The following JMJD1C variants were observed in gnomAD, a reference collection of about 807,000 sequenced individuals.
The protein encoded by JMJD1C is jumonji domain containing 1C, also known as jumonji domain-containing protein 1C.
In JMJD1C, 31 loss-of-function variants were observed where a neutral mutation model predicts 245.3. That is an observed-to-expected ratio of 0.13 (90% CI 0.09 to 0.17). The LOEUF (loss-of-function observed/expected upper bound fraction) is 0.17, where lower values mean the gene tolerates loss of function less well. Ranked by LOEUF, JMJD1C falls within the 10% of genes least tolerant of loss-of-function variation. The probability of loss-of-function intolerance (pLI) is 1.00; values close to 1 mark genes in which losing one functional copy is unlikely to be tolerated. For synonymous variants in JMJD1C, 1,057 were observed against 1,017.4 expected, an observed-to-expected ratio of 1.04 and a Z score of -0.74; for missense variants, 2,691 against 3,000.2, an observed-to-expected ratio of 0.90 and a Z score of 2.41.
At chr10:63,310,175 T>A (rs1370940012) in intron 2 of JMJD1C, among the ~76,000 whole-genome samples, 1 of 152,162 alleles carries the variant, frequency 6.6e-6, no homozygotes, top group Non-Finnish European at 1.5e-5. Context: ...AAATGAGACA[T>A]AAATACTATA....
chr10:63,291,120 C>T (rs1858627158), intron 2 of JMJD1C, among the ~76,000 whole-genome samples: 1 of 151,060 alleles, frequency 6.6e-6, no homozygotes, highest in African/African-American at 2.4e-5. Flanking sequence ...GCCTGGCTAA[C>T]ACGGTGAAAC....
In JMJD1C at chr10:63,355,644, C is replaced by T. The variant is rs570602833; in HGVS notation, c.333+24674G>A. The stretch of plus-strand genomic sequence containing the variant: ...GAGGAGTTGGAAAAGAGAACTTTTC[C>T]AGTGACAGCTGTGTGAGAGTTGCTC... On this transcript the variant is annotated intron_variant, in intron 2 of 25. Transcript: ENST00000399262. 9.2e-5 allele frequency among the ~76,000 whole-genome samples: 14 copies of T among 151,968 alleles called. No homozygotes were observed. In the South Asian group the frequency reaches 2.7e-3, roughly 29 times the overall value.
intron 2 of JMJD1C, among the ~76,000 whole-genome samples, chr10:63,303,453 G>C: frequency 6.6e-6 from 1 of 152,028 alleles, no homozygotes; most frequent in Non-Finnish European, 1.5e-5. Context: ...TTACAGGCAC[G>C]CGCCACCACA....
At chr10:63,248,120 A>G (rs998266399) in intron 3 of JMJD1C, among the ~76,000 whole-genome samples, 1 of 151,310 alleles carries the variant, frequency 6.6e-6, no homozygotes, top group Admixed American at 6.6e-5. Context: ...CCAGCCACTC[A>G]GGACGCTGAA....
chr10:63,361,244 G>A (rs563426279), intron 2 of JMJD1C, among the ~76,000 whole-genome samples: 3 of 152,120 alleles, frequency 2.0e-5, no homozygotes, highest in South Asian at 2.1e-4. Context: ...CCAACATGGC[G>A]AAACCCTGTC....
intron 1 of JMJD1C, among the ~76,000 whole-genome samples, chr10:63,509,587 A>G (rs1564979106): frequency 6.6e-6 from 1 of 152,226 alleles, no homozygotes; most frequent in Non-Finnish European, 1.5e-5. Context: ...CTTCTTTGCT[A>G]GATACAGGCC....
At chr10:63,459,519 T>C (rs7074735) in intron 1 of JMJD1C, among the ~76,000 whole-genome samples, 1 of 151,998 alleles carries the variant, frequency 6.6e-6, no homozygotes, top group Non-Finnish European at 1.5e-5. Flanking sequence ...TATTTGTAAA[T>C]ATTTAGAAAG....
chr10:63,498,460 AT>A, intron 1 of JMJD1C, among the ~76,000 whole-genome samples: 1 of 152,272 alleles, frequency 6.6e-6, no homozygotes, highest in South Asian at 2.1e-4. Context: ...AACATGTAAC[AT>A]TTTTTAACCT....
intron 1 of JMJD1C, among the ~76,000 whole-genome samples, chr10:63,516,936 T>C (rs1955035193): frequency 6.6e-6 from 1 of 152,180 alleles, no homozygotes; most frequent in South Asian, 2.1e-4. Context: ...CATAAGCGAC[T>C]GCCTGAGAGA....
At chr10:63,196,661 A>G (rs1845496544) in intron 13 of JMJD1C, among the ~76,000 whole-genome samples, 1 of 152,234 alleles carries the variant, frequency 6.6e-6, no homozygotes, top group South Asian at 2.1e-4. Flanking sequence ...ATCTATACTA[A>G]GTACTTCTAA....
intron 24 of JMJD1C, among the ~76,000 whole-genome samples, chr10:63,169,100 A>G (rs1842110253): frequency 6.6e-6 from 1 of 152,194 alleles, no homozygotes; most frequent in South Asian, 2.1e-4. Flanking sequence ...ATATCCCAGG[A>G]TTTTGGTTAT....
At chr10:63,330,057 C>T (rs867213794) in intron 2 of JMJD1C, among the ~76,000 whole-genome samples, 23 of 152,272 alleles carry the variant, frequency 1.5e-4, no homozygotes, top group African/African-American at 4.3e-4. Flanking sequence ...TGCGCCACCA[C>T]GCCCGGCTAA....
Position 63,177,380 on chromosome 10 carries a change from C to G in JMJD1C, c.7224+337G>C, listed in dbSNP as rs182883116. 1.5e-3 allele frequency: 394 copies of G among 267,252 alleles called. 1 individual carries two copies. The highest frequency in any genetic ancestry group is 2.1e-3 in the Admixed American group (40 of 18,930). 16.6% of individuals were successfully genotyped at this position (267,252 alleles called of 1,614,324 possible). On this transcript the variant is annotated intron_variant, in intron 23 of 25. Transcript: ENST00000399262. ...AAGATCCTACCTTCTTTAGACGTTT[C>G]CATGAAATATTTGTTTTTACATCCC...
chr10:63,384,993 G>C (rs1034282514), intron 1 of JMJD1C, among the ~76,000 whole-genome samples: 1 of 152,152 alleles, frequency 6.6e-6, no homozygotes. Flanking sequence ...AGTTAGAGAT[G>C]TGTGACTATT....
At chr10:63,520,516 A>AC in intron 1 of JMJD1C, among the ~76,000 whole-genome samples, 1 of 152,186 alleles carries the variant, frequency 6.6e-6, no homozygotes, top group Non-Finnish European at 1.5e-5. Flanking sequence ...AAAAAAAAAA[A>AC]AAAAACAGTT....
intron 2 of JMJD1C, among the ~76,000 whole-genome samples, chr10:63,377,273 G>A (rs955356631): frequency 2.6e-5 from 4 of 152,138 alleles, no homozygotes; most frequent in Admixed American, 1.3e-4. Flanking sequence ...TCTTTAATGA[G>A]TACAGTTTCA....
At chr10:63,375,284 T>A (rs1043354162) in intron 2 of JMJD1C, among the ~76,000 whole-genome samples, 1 of 147,606 alleles carries the variant, frequency 6.8e-6, no homozygotes, top group African/African-American at 2.5e-5. Context: ...ATTTCTGGGC[T>A]CAAGGGATCC....
At chr10:63,295,643 G>C (rs1206201641) in intron 2 of JMJD1C, among the ~76,000 whole-genome samples, 3 of 152,044 alleles carry the variant, frequency 2.0e-5, no homozygotes, top group Admixed American at 1.3e-4. Context: ...TTTCCAAATT[G>C]TTAGAGACAA....
At chr10:63,495,219 A>T (rs147083958) in intron 1 of JMJD1C, among the ~76,000 whole-genome samples, 1 of 151,934 alleles carries the variant, frequency 6.6e-6, no homozygotes, top group African/African-American at 2.4e-5. Flanking sequence ...TTGTGAAAAC[A>T]GTTGATTCCA....
Sources: gnomAD v4.1 joint callset for allele counts (sites outside exome capture counted in the v4.1 genomes callset) on GRCh38, gnomAD v4.1.1 for gene constraint, MANE v1.5 for transcripts, NCBI Gene and HGNC (gene_info 2026-07-23, HGNC 2026-07-21) for gene names.